The following NCAM1 variants were observed in gnomAD, a reference collection of about 807,000 sequenced individuals.
The protein encoded by NCAM1 is neural cell adhesion molecule 1, also known as antigen recognized by monoclonal antibody 5.1H11.
NCAM1 carries 14 observed loss-of-function variants against 109.8 expected under a neutral mutation model. That is an observed-to-expected ratio of 0.13 (90% CI 0.08 to 0.20). NCAM1 has a LOEUF of 0.20. Ranked by LOEUF, NCAM1 falls within the 10% of genes least tolerant of loss-of-function variation. The pLI is 1.00. For missense variants in NCAM1, 774 were observed against 1,109.9 expected (o/e 0.70, Z 4.30); for synonymous variants, 418 against 442.9 (o/e 0.94, Z 0.70).
intron 1 of NCAM1, among the ~76,000 whole-genome samples, chr11:113,200,964 C>T (rs1393791307): frequency 1.3e-5 from 2 of 152,144 alleles, no homozygotes; most frequent in African/African-American, 4.8e-5. Flanking sequence ...TTTTGGAAGT[C>T]TGGGTTTTCC....
intron 1 of NCAM1, among the ~76,000 whole-genome samples, chr11:113,161,051 C>T (rs1346111267): frequency 6.6e-6 from 1 of 152,094 alleles, no homozygotes; most frequent in Non-Finnish European, 1.5e-5. Flanking sequence ...TCTTCACTGC[C>T]ATCTCACAAG....
intron 1 of NCAM1, among the ~76,000 whole-genome samples, chr11:113,011,457 T>G (rs7943198): frequency 0.45 from 68,061 of 151,266 alleles, 16,158 homozygotes; most frequent in East Asian, 0.8. Context: ...GCATGATTTA[T>G]AGTCCTTTGG....
chr11:113,134,282 TG>T (rs1591356249), intron 1 of NCAM1, among the ~76,000 whole-genome samples: 1 of 152,250 alleles, frequency 6.6e-6, no homozygotes, highest in African/African-American at 2.4e-5. Flanking sequence ...AATAGCCTCA[TG>T]GCTCATCCAT....
chr11:113,087,237 T>C (rs1417147637), intron 1 of NCAM1, among the ~76,000 whole-genome samples: 2 of 152,232 alleles, frequency 1.3e-5, no homozygotes, highest in African/African-American at 4.8e-5. Context: ...AGGACTTTTC[T>C]TTGTATTCCT....
chr11:113,212,517 A>G (rs1944416236), intron 7 of NCAM1, among the ~76,000 whole-genome samples: 1 of 152,196 alleles, frequency 6.6e-6, no homozygotes, highest in Non-Finnish European at 1.5e-5. Context: ...GGAGAAGGTC[A>G]GCAAAACGCT....
intron 1 of NCAM1, among the ~76,000 whole-genome samples, chr11:113,178,313 AC>A (rs1943230404): frequency 6.6e-6 from 1 of 152,198 alleles, no homozygotes; most frequent in Admixed American, 6.5e-5. Context: ...GGACACTCTC[AC>A]GTTACACCAC....
At chr11:113,228,340 C>G (rs1164758318) in intron 9 of NCAM1, among the ~76,000 whole-genome samples, 3 of 152,126 alleles carry the variant, frequency 2.0e-5, no homozygotes, top group Non-Finnish European at 2.9e-5. Flanking sequence ...ACAATTGCTT[C>G]AAAGAGAATA....
intron 1 of NCAM1, among the ~76,000 whole-genome samples, chr11:113,186,339 A>G (rs1020895261): frequency 6.6e-6 from 1 of 152,178 alleles, no homozygotes; most frequent in East Asian, 1.9e-4. Context: ...CTAATGCCTG[A>G]TGATCACAGC....
At chr11:113,247,323 T>G (rs1945525684) in intron 15 of NCAM1, among the ~76,000 whole-genome samples, 1 of 152,172 alleles carries the variant, frequency 6.6e-6, no homozygotes, top group Non-Finnish European at 1.5e-5. Context: ...ATTGGCTACA[T>G]GGATCACGAA....
chr11:113,202,778 T>G (rs1434862360), intron 2 of NCAM1, among the ~76,000 whole-genome samples: 2 of 152,246 alleles, frequency 1.3e-5, no homozygotes, highest in Non-Finnish European at 2.9e-5. Context: ...TTCAGAGTTC[T>G]GTAAATGACA....
rs535208230 is a variant in NCAM1, at chr11:113,236,368, A to G, written c.1825+1204A>G. On this transcript the variant is annotated intron_variant, in intron 14 of 19. Transcript: ENST00000316851. ...TGTTTCCATAGCGTTAACATCTGCT[A>G]GTTCTAGTTCGTAATTTAGTTCTGG... is the stretch of plus-strand genomic sequence containing the variant. 23 of 1,587,230 alleles carry G rather than the reference A, an allele frequency of 1.4e-5. No homozygotes were observed. The South Asian group carries it at 2.5e-4, about 18-fold the overall frequency.
Position 113,166,033 on chromosome 11 carries a change from G to A in NCAM1, c.53-36346G>A, listed in dbSNP as rs782267279. On this transcript the variant is annotated intron_variant, in intron 1 of 19. Coordinates refer to ENST00000316851, the MANE Select transcript of NCAM1 (RefSeq NM_181351.5). ...TTTTTAGTAGAGACGGGGTTTCACC[G>A]TGTTAGCCAGGGTGGTCCCGATCTC... 3.3e-5 allele frequency among the ~76,000 whole-genome samples: 5 copies of A among 151,444 alleles called. No homozygotes were observed. In the South Asian group the frequency reaches 6.3e-4, roughly 19 times the overall value.
chr11:113,112,900 G>A (rs11214498), intron 1 of NCAM1, among the ~76,000 whole-genome samples: 18,424 of 151,984 alleles, frequency 0.12, 1,315 homozygotes, highest in East Asian at 0.36. Context: ...GGGAGGCCGA[G>A]ACAAGTGGAT....
At chr11:113,094,290 G>A (rs1368956203) in intron 1 of NCAM1, among the ~76,000 whole-genome samples, 2 of 152,154 alleles carry the variant, frequency 1.3e-5, no homozygotes, top group East Asian at 1.9e-4. Context: ...CTATCGTTTG[G>A]CACCATTTTG....
rs1165714607 is a variant in NCAM1 at position 113,208,008 on chromosome 11, G to A, written c.916+6G>A. On this transcript the variant is annotated splice_donor_region_variant and intron_variant, in intron 7 of 19. Coordinates refer to ENST00000316851, the MANE Select transcript of NCAM1 (RefSeq NM_181351.5). Reference sequence around the variant, plus strand: ...CATCCACCTCAAAGTCTTTGGTAGGGGCAGTGGGGGCCCAGGTCACTGCTC... The same window carrying A: ...CATCCACCTCAAAGTCTTTGGTAGGAGCAGTGGGGGCCCAGGTCACTGCTC... 4.4e-6 allele frequency: 7 copies of A among 1,602,204 alleles called. No individual in the cohort carries two copies. The East Asian group carries it at 1.6e-4, about 36-fold the overall frequency.
At chr11:113,150,509 C>T (rs1942186969) in intron 1 of NCAM1, among the ~76,000 whole-genome samples, 5 of 152,178 alleles carry the variant, frequency 3.3e-5, no homozygotes, top group Non-Finnish European at 1.5e-5. Context: ...CTCCACAAGG[C>T]TTTATTAAGC....
chr11:113,260,509 C>T, intron 17 of NCAM1, 186 bp downstream of exon 17: 1 of 604,104 alleles, frequency 1.7e-6, no homozygotes, highest in South Asian at 2.5e-5. Context: ...TACTGGACCC[C>T]CAGGAAGGCT....
intron 1 of NCAM1, among the ~76,000 whole-genome samples, chr11:113,126,323 C>G (rs576534057): frequency 1.3e-5 from 2 of 150,934 alleles, no homozygotes; most frequent in Admixed American, 1.4e-4. Flanking sequence ...CAGCTCTGGT[C>G]TCTGTGCCAC....
chr11:113,223,606 TACA>T (rs1464643825), intron 9 of NCAM1, among the ~76,000 whole-genome samples: 1 of 152,256 alleles, frequency 6.6e-6, no homozygotes, highest in Admixed American at 6.5e-5. Context: ...CCTCTTTTGT[TACA>T]ACATCTCTTC....
Sources: allele counts gnomAD v4.1 joint callset (sites outside exome capture counted in the v4.1 genomes callset), GRCh38; gene constraint gnomAD v4.1.1; transcripts MANE v1.5; gene names NCBI Gene and HGNC (gene_info 2026-07-23, HGNC 2026-07-21).